ESRRG: variants seen among roughly 807,000 people sequenced by gnomAD.
ESRRG encodes estrogen related receptor gamma.
A neutral mutation model predicts 44.0 loss-of-function variants in ESRRG; 13 were observed. The observed-to-expected ratio is 0.30, with a 90% CI of 0.19 to 0.47. The LOEUF is 0.47. Among genes scored for constraint, ESRRG ranks in the 20% least tolerant of loss-of-function variants. ESRRG has a pLI of 1.00. For missense variants in ESRRG, 395 were observed against 580.6 expected (o/e 0.68, Z 3.29); for synonymous variants, 215 against 214.6 (o/e 1.00, Z -0.02).
Position 216,912,172 on chromosome 1 carries a change from A to AGAG in ESRRG, c.-14+27409_-14+27410insCTC, listed in dbSNP as rs1560082487. Among the ~76,000 whole-genome samples the AGAG allele has an allele frequency of 4.0e-4, 12 of 30,068 alleles. 1 individual carries two copies. Among genetic ancestry groups the AGAG allele is most frequent in the East Asian group, 1.3e-3 (1 of 798 alleles). The allele number at this position is 30,068 out of a possible 152,430, so 19.7% of individuals were successfully genotyped here. A position where few individuals can be genotyped will look rare whatever the true frequency, so the allele number is the denominator to read the frequency against. ...AAAGAAAAGAAAAGAAAAGAAAAGA[A>AGAG]AAGAAAAGAAAAGGAGAGGAGAGGA... On this transcript the variant is annotated intron_variant, in intron 2 of 7. Transcript: ENST00000359162.
intron 2 of ESRRG, among the ~76,000 whole-genome samples, chr1:216,860,627 A>T (rs1387322546): frequency 6.6e-6 from 1 of 152,204 alleles, no homozygotes; most frequent in Non-Finnish European, 1.5e-5. Flanking sequence ...AAAACTGTCA[A>T]CTGAGAATTT....
intron 2 of ESRRG, among the ~76,000 whole-genome samples, chr1:216,823,002 C>T (rs2095328219): frequency 6.6e-6 from 1 of 151,964 alleles, no homozygotes; most frequent in Admixed American, 6.6e-5. Context: ...TGAGTTTACC[C>T]AATTAGAAAA....
chr1:216,820,584 G>T (rs1049806832), intron 2 of ESRRG, among the ~76,000 whole-genome samples: 1 of 152,068 alleles, frequency 6.6e-6, no homozygotes, highest in African/African-American at 2.4e-5. Context: ...ATTCAGGAGT[G>T]TTCTCAAGTT....
At chr1:216,529,861 C>T (rs2048760601) in intron 5 of ESRRG, among the ~76,000 whole-genome samples, 1 of 151,890 alleles carries the variant, frequency 6.6e-6, no homozygotes, top group Non-Finnish European at 1.5e-5. Flanking sequence ...CCTGTAATCC[C>T]AGCACTTTGG....
chr1:216,658,848 AAGAAGAGAAG>A (rs199919171), intron 2 of ESRRG, among the ~76,000 whole-genome samples: 16,675 of 124,876 alleles, frequency 0.13, 1,273 homozygotes, highest in South Asian at 0.21. Context: ...AAGAAAGTAA[AAGAAGAGAAG>A]AGAAGAGAAG....
At chr1:217,111,569 C>T (rs1033991697) in intron 1 of ESRRG, among the ~76,000 whole-genome samples, 4 of 152,130 alleles carry the variant, frequency 2.6e-5, no homozygotes, top group African/African-American at 9.7e-5. Flanking sequence ...GTTGGCAAGA[C>T]TTCATAAACT....
chr1:216,577,779 A>T (rs12354357), intron 3 of ESRRG, among the ~76,000 whole-genome samples: 61,650 of 150,938 alleles, frequency 0.41, 13,104 homozygotes, highest in Middle Eastern at 0.48. Context: ...GATTTTTTTA[A>T]AAAAAAAGGA....
intron 1 of ESRRG, among the ~76,000 whole-genome samples, chr1:216,960,725 A>G (rs1241410511): frequency 6.6e-6 from 1 of 152,148 alleles, no homozygotes. Context: ...AGCTGGGACT[A>G]TAGGTGCATG....
intron 1 of ESRRG, among the ~76,000 whole-genome samples, chr1:216,709,534 A>G (rs1255861138): frequency 2.0e-5 from 3 of 152,066 alleles, no homozygotes; most frequent in African/African-American, 7.2e-5. Context: ...AGAGAAACAT[A>G]CTTTTAAATG....
chr1:216,530,143 G>T (rs2048909788), intron 5 of ESRRG, among the ~76,000 whole-genome samples: 1 of 149,614 alleles, frequency 6.7e-6, no homozygotes, highest in African/African-American at 2.5e-5. Context: ...AGGGGGTGGG[G>T]GAAAGAATAG....
intron 5 of ESRRG, among the ~76,000 whole-genome samples, chr1:216,548,193 A>G (rs562572632): frequency 1.3e-5 from 2 of 152,252 alleles, no homozygotes; most frequent in South Asian, 4.1e-4. Flanking sequence ...GCTCATTTTC[A>G]TAAGGTTTGG....
At chr1:216,762,632 C>A (rs1476287365) in intron 2 of ESRRG, among the ~76,000 whole-genome samples, 1 of 151,582 alleles carries the variant, frequency 6.6e-6, no homozygotes, top group Non-Finnish European at 1.5e-5. Context: ...GTGCAGCACA[C>A]CAGTATGGCA....
At chr1:216,539,241 A>G (rs1007601155) in intron 5 of ESRRG, among the ~76,000 whole-genome samples, 24 of 151,900 alleles carry the variant, frequency 1.6e-4, no homozygotes, top group African/African-American at 5.6e-4. Context: ...CATCTTAGCT[A>G]ATGGTTAAAT....
intron 3 of ESRRG, among the ~76,000 whole-genome samples, chr1:216,620,751 C>T (rs1213283872): frequency 6.6e-6 from 1 of 152,150 alleles, no homozygotes; most frequent in Non-Finnish European, 1.5e-5. Flanking sequence ...GAAGAAGGTG[C>T]ATTGCTGATA....
At chr1:216,973,391 G>A (rs893030124) in intron 1 of ESRRG, among the ~76,000 whole-genome samples, 7 of 152,032 alleles carry the variant, frequency 4.6e-5, no homozygotes, top group Non-Finnish European at 7.4e-5. Flanking sequence ...CCCTTCCATA[G>A]AATGTTTGCA....
At chr1:216,528,336 T>C (rs1264645642) in intron 5 of ESRRG, among the ~76,000 whole-genome samples, 1 of 152,198 alleles carries the variant, frequency 6.6e-6, no homozygotes, top group Non-Finnish European at 1.5e-5. Flanking sequence ...GCCAGTTCTC[T>C]TCAATTTAGA....
Position 216,666,833 on chromosome 1 carries a change from G to A in ESRRG, c.472+10243C>T, listed in dbSNP as rs569357493. Among the ~76,000 whole-genome samples the A allele has an allele frequency of 2.6e-5, 4 of 152,250 alleles. No individual in the cohort carries two copies. The East Asian group carries it at 7.7e-4, about 29-fold the overall frequency. ...AGTGATCTGTGAAGTCCCTTAGACT[G>A]GAACATAAAAACAATACAAACTTCC... is the stretch of plus-strand genomic sequence containing the variant. On this transcript the variant is annotated intron_variant, in intron 2 of 6. Transcript: ENST00000408911.
chr1:216,805,232 C>T (rs2094750775), intron 2 of ESRRG: 1 of 152,174 alleles, frequency 6.6e-6, no homozygotes, highest in South Asian at 2.1e-4. Flanking sequence ...CATGCAACTG[C>T]AGAATCAAAT....
intron 1 of ESRRG, among the ~76,000 whole-genome samples, chr1:217,079,294 A>G (rs929606900): frequency 2.0e-5 from 3 of 152,148 alleles, no homozygotes; most frequent in African/African-American, 7.2e-5. Context: ...ATGGTATATT[A>G]TATGGTATTT....
Sources: allele counts gnomAD v4.1 joint callset (sites outside exome capture counted in the v4.1 genomes callset), GRCh38; gene constraint gnomAD v4.1.1; transcripts MANE v1.5; gene names NCBI Gene and HGNC (gene_info 2026-07-23, HGNC 2026-07-21).